Variants in HNF4A observed in about 807,000 individuals in gnomAD.
The protein encoded by HNF4A is hepatocyte nuclear factor 4-alpha.
In HNF4A, 15 loss-of-function variants were observed where a neutral mutation model predicts 52.4. The observed-to-expected ratio is 0.29, with a 90% CI of 0.19 to 0.44. HNF4A has a LOEUF of 0.44. HNF4A is among the 20% of genes least tolerant of loss of function. HNF4A has a pLI of 1.00. For missense variants in HNF4A, 479 were observed against 647.2 expected (o/e 0.74, Z 2.82); for synonymous variants, 280 against 264.4 (o/e 1.06, Z -0.57).
At chr20:44,365,621 A>T (rs1182630596) in intron 1 of HNF4A, among the ~76,000 whole-genome samples, 1 of 152,222 alleles carries the variant, frequency 6.6e-6, no homozygotes, top group Non-Finnish European at 1.5e-5. Context: ...CAAACTTTAA[A>T]GTTTGAAATT....
At chr20:44,373,657 G>A (rs1386916062) in intron 1 of HNF4A, among the ~76,000 whole-genome samples, 1 of 151,998 alleles carries the variant, frequency 6.6e-6, no homozygotes, top group Non-Finnish European at 1.5e-5. Flanking sequence ...GAAAAGGTAA[G>A]AGATCAAACT....
chr20:44,388,309 C>CCCATACAT (rs1296444660), intron 1 of HNF4A, among the ~76,000 whole-genome samples: 3 of 146,150 alleles, frequency 2.1e-5, no homozygotes, highest in Non-Finnish European at 4.4e-5. Flanking sequence ...TTATACATGC[C>CCCATACAT]CCATACATGC....
At chr20:44,367,456 C>T (rs1343745081) in intron 1 of HNF4A, among the ~76,000 whole-genome samples, 1 of 151,004 alleles carries the variant, frequency 6.6e-6, no homozygotes, top group Non-Finnish European at 1.5e-5. Flanking sequence ...CCATCCTGGC[C>T]AACATGGTGA....
chr20:44,405,121 G>A lies in HNF4A; in HGVS notation c.116-937G>A, dbSNP rs1246157713. Reference sequence around the variant, plus strand: ...GCTTGTGCGTAGCGTGTGTGCGTGTGTGTGGACTGTGTGGCACACACGCTT... The same window carrying A: ...GCTTGTGCGTAGCGTGTGTGCGTGTATGTGGACTGTGTGGCACACACGCTT... On this transcript the variant is annotated intron_variant, in intron 1 of 9. Coordinates refer to ENST00000316099, the MANE Select transcript of HNF4A (RefSeq NM_000457.6). Among the ~76,000 whole-genome samples the A allele has an allele frequency of 4.7e-4, 29 of 61,958 alleles. No homozygotes were observed. The Admixed American group carries it at 5.6e-3, about 12-fold the overall frequency. The allele number at this position is 61,958 out of a possible 152,430, so 40.6% of individuals were successfully genotyped here. A position where few individuals can be genotyped will look rare whatever the true frequency, so the allele number is the denominator to read the frequency against.
upstream of HNF4A, among the ~76,000 whole-genome samples, chr20:44,400,845 C>A (rs1240563305): frequency 6.6e-6 from 1 of 151,866 alleles, no homozygotes; most frequent in African/African-American, 2.4e-5. Flanking sequence ...CATGGGGCAG[C>A]CTTATCTCTG....
At chr20:44,405,250 T>C (rs1471243034) in intron 1 of HNF4A, among the ~76,000 whole-genome samples, 1 of 150,678 alleles carries the variant, frequency 6.6e-6, no homozygotes, top group East Asian at 1.9e-4. Flanking sequence ...GCTGCTGCTA[T>C]TTTTTTAAAT....
At chr20:44,414,463 G>A (rs768558954) in intron 4 of HNF4A, 44 bp from the exon 5 acceptor site, 3 of 1,613,932 alleles carry the variant, frequency 1.9e-6, no homozygotes, top group Non-Finnish European at 2.5e-6. Context: ...GAGTGCGGGA[G>A]GGCCCGGACA....
chr20:44,361,320 C>A (rs916342504), intron 1 of HNF4A, among the ~76,000 whole-genome samples: 15 of 152,160 alleles, frequency 9.9e-5, no homozygotes, highest in Admixed American at 6.5e-5. Context: ...GGTATGGAAA[C>A]CATTGCCTTA....
chr20:44,390,703 C>A, intron 1 of HNF4A: 1 of 699,848 alleles, frequency 1.4e-6, no homozygotes, highest in South Asian at 1.5e-5. Context: ...TCCACATCTG[C>A]CTGGAAGGAA....
chr20:44,358,989 G>A (rs541500969), intron 1 of HNF4A, among the ~76,000 whole-genome samples: 3 of 152,226 alleles, frequency 2.0e-5, no homozygotes, highest in East Asian at 1.9e-4. Flanking sequence ...TTGGCTTTGC[G>A]GTTCTCGTCA....
rs11450239 is a variant in HNF4A at position 44,432,344 on chromosome 20, C to CTTTTTTTTTTTTTTTTT, written c.*2687_*2703dup. 2.2e-4 allele frequency: 13 copies of CTTTTTTTTTTTTTTTTT among 58,968 alleles called. No individual in the cohort carries two copies. The highest frequency in any genetic ancestry group is 2.7e-4 in the Non-Finnish European group (9 of 33,104). The allele number at this position is 58,968 out of a possible 1,614,324, so 3.7% of individuals were successfully genotyped here. On this transcript the variant is annotated 3_prime_UTR_variant, in exon 10 of 10. Transcript: ENST00000316099. ...ATGATATTAGAAAATCTCTCGCTCT[C>CTTTTTTTTTTTTTTTTT]TTTTTTTTTTTTTTTTTTTTTTTTG... is the stretch of plus-strand genomic sequence containing the variant.
Position 44,405,465 on chromosome 20 carries a change from A to G in HNF4A, c.116-593A>G, listed in dbSNP as rs1348476194. On this transcript the variant is annotated intron_variant, in intron 1 of 9. Transcript: ENST00000316099. ...GCACCCAGCCCAAGATCCTCTTTCC[A>G]CCTGCCTCTACGGCCCCCCTCACAT... Among the ~76,000 whole-genome samples the G allele has an allele frequency of 2.6e-5, 4 of 151,922 alleles. No individual in the cohort carries two copies. The East Asian group carries it at 7.7e-4, about 29-fold the overall frequency.
intron 3 of HNF4A, among the ~76,000 whole-genome samples, chr20:44,407,757 T>TGTGTGTGTG (rs2063522597): frequency 6.9e-6 from 1 of 145,846 alleles, no homozygotes; most frequent in African/African-American, 2.6e-5. Flanking sequence ...AGCAGCCACG[T>TGTGTGTGTG]TGTGTGTGTG....
intron 7 of HNF4A, among the ~76,000 whole-genome samples, chr20:44,420,352 T>C (rs564917800): frequency 1.7e-4 from 26 of 152,146 alleles, no homozygotes; most frequent in African/African-American, 5.8e-4. Flanking sequence ...AGGATATGAC[T>C]TGACAGGGCA....
chr20:44,401,785 G>A (rs2063413280), intron 1 of HNF4A, among the ~76,000 whole-genome samples: 1 of 152,190 alleles, frequency 6.6e-6, no homozygotes, highest in Non-Finnish European at 1.5e-5. Flanking sequence ...TTGGCGCTTG[G>A]CACAGTGACG....
At chr20:44,416,722 C>G (rs879346912) in intron 5 of HNF4A, among the ~76,000 whole-genome samples, 9 of 151,380 alleles carry the variant, frequency 5.9e-5, no homozygotes, top group Admixed American at 5.9e-4. Context: ...CATTCATTTC[C>G]CCTTTCCTTC....
chr20:44,405,195 G>T (rs987172883), intron 1 of HNF4A, among the ~76,000 whole-genome samples: 13 of 152,166 alleles, frequency 8.5e-5, no homozygotes, highest in African/African-American at 2.9e-4. Flanking sequence ...TCTTCAAAGG[G>T]GTCTATCTTT....
intron 1 of HNF4A, among the ~76,000 whole-genome samples, chr20:44,367,814 G>A (rs866690335): frequency 2.0e-5 from 3 of 151,738 alleles, no homozygotes; most frequent in African/African-American, 2.4e-5. Flanking sequence ...CCTCACAACC[G>A]TCTATTGAGG....
chr20:44,365,318 G>A (rs1328524982), intron 1 of HNF4A, among the ~76,000 whole-genome samples: 1 of 152,002 alleles, frequency 6.6e-6, no homozygotes, highest in Non-Finnish European at 1.5e-5. Context: ...ACAGGTGCAT[G>A]CCACCATGCC....
Sources: allele counts gnomAD v4.1 joint callset (sites outside exome capture counted in the v4.1 genomes callset), GRCh38; gene constraint gnomAD v4.1.1; transcripts MANE v1.5; gene names NCBI Gene and HGNC (gene_info 2026-07-23, HGNC 2026-07-21).